SMYD3: variants seen among roughly 807,000 people sequenced by gnomAD.
SMYD3 encodes the protein histone-lysine N-methyltransferase SMYD3.
Under a neutral mutation model 57.7 loss-of-function variants are expected in SMYD3, and 36 were observed. The observed-to-expected ratio is 0.62, with a 90% confidence interval of 0.48 to 0.82. The LOEUF is 0.82. Ranked by LOEUF, SMYD3 falls within the 40% of genes least tolerant of loss-of-function variation. The pLI is 0.00. For missense variants in SMYD3, 515 were observed against 538.8 expected (o/e 0.96, Z 0.44); for synonymous variants, 211 against 195.0 (o/e 1.08, Z -0.68).
At chr1:245,875,237 A>T (rs1165266972) in intron 8 of SMYD3, among the ~76,000 whole-genome samples, 1 of 152,170 alleles carries the variant, frequency 6.6e-6, no homozygotes, top group Non-Finnish European at 1.5e-5. Flanking sequence ...TCATAAACCA[A>T]GCATGCATTA....
intron 5 of SMYD3, among the ~76,000 whole-genome samples, chr1:246,189,386 G>T (rs1008154740): frequency 5.3e-5 from 8 of 152,212 alleles, no homozygotes; most frequent in Admixed American, 3.3e-4. Flanking sequence ...GCAAGTGTCG[G>T]TAACAGTTAT....
intron 1 of SMYD3, among the ~76,000 whole-genome samples, chr1:246,363,145 G>T (rs1348947764): frequency 1.3e-5 from 2 of 148,926 alleles, no homozygotes; most frequent in African/African-American, 5.0e-5. Context: ...CCTCCGCCCG[G>T]CAGCCGCCCC....
intron 5 of SMYD3, among the ~76,000 whole-genome samples, chr1:246,164,587 A>G (rs1038358975): frequency 7.2e-5 from 11 of 152,196 alleles, no homozygotes; most frequent in African/African-American, 2.7e-4. Flanking sequence ...GGACGGGGGC[A>G]TGTGAGTAAC....
In SMYD3 at chr1:246,466,322, A is replaced by G. The variant is rs146017408; in HGVS notation, c.164+40732T>C. On this transcript the variant is annotated intron_variant, in intron 1 of 11. Transcript: ENST00000490107. The stretch of plus-strand genomic sequence containing the variant: ...ATGCATAAAGAAAATGTACCTATAC[A>G]CCATGGAATACTATGCATGCGGCCA... Among the ~76,000 whole-genome samples, 57 of 152,378 alleles carry G rather than the reference A, an allele frequency of 3.7e-4. No individual in the cohort carries two copies. In the East Asian group the frequency reaches 8.3e-3, roughly 22 times the overall value.
At chr1:246,273,168 G>C (rs1371692871) in intron 5 of SMYD3, among the ~76,000 whole-genome samples, 44 of 85,168 alleles carry the variant, frequency 5.2e-4, no homozygotes, top group Non-Finnish European at 7.3e-4. Context: ...TTTTGGGGGG[G>C]GGACAGAGTC....
chr1:245,770,033 G>A (rs1321342339), intron 10 of SMYD3, among the ~76,000 whole-genome samples: 2 of 152,206 alleles, frequency 1.3e-5, no homozygotes, highest in Non-Finnish European at 2.9e-5. Flanking sequence ...TGTATCTTCA[G>A]CAGATTTTCA....
At chr1:246,430,631 G>A (rs1003362241) in intron 1 of SMYD3, among the ~76,000 whole-genome samples, 1 of 152,170 alleles carries the variant, frequency 6.6e-6, no homozygotes, top group African/African-American at 2.4e-5. Context: ...GACATCTAGG[G>A]AGTTTTCACT....
At chr1:246,263,051 A>G (rs2064039371) in intron 5 of SMYD3, among the ~76,000 whole-genome samples, 1 of 152,188 alleles carries the variant, frequency 6.6e-6, no homozygotes, top group African/African-American at 2.4e-5. Context: ...ATTCTATTAC[A>G]AATATCACAT....
chr1:245,904,638 C>T lies in SMYD3; in HGVS notation c.813+10892G>A, dbSNP rs77975781. The stretch of plus-strand genomic sequence containing the variant: ...CTGAGGGCCAAAGTACTGTTGGCCT[C>T]TAAGTAAACCTGAAAGGCAGTCTAG... On this transcript the variant is annotated intron_variant, in intron 8 of 11. Coordinates refer to ENST00000490107, the MANE Select transcript of SMYD3 (RefSeq NM_001167740.2). 1.0e-3 allele frequency among the ~76,000 whole-genome samples: 156 copies of T among 152,184 alleles called. 1 individual carries two copies. Among genetic ancestry groups the T allele is most frequent in the African/African-American group, 3.6e-3 (150 of 41,522 alleles).
intron 1 of SMYD3, among the ~76,000 whole-genome samples, chr1:246,447,970 C>G (rs115757834): frequency 3.9e-5 from 6 of 152,208 alleles, no homozygotes; most frequent in African/African-American, 1.4e-4. Flanking sequence ...TGTATCTGTA[C>G]GTTCTTTTGC....
At chr1:246,243,042 A>T (rs535749508) in intron 5 of SMYD3, among the ~76,000 whole-genome samples, 32 of 152,292 alleles carry the variant, frequency 2.1e-4, no homozygotes, top group Middle Eastern at 3.4e-3. Flanking sequence ...TAGACAGATC[A>T]ATGAGACAGA....
intron 1 of SMYD3, among the ~76,000 whole-genome samples, chr1:246,391,320 C>T (rs376529946): frequency 6.6e-5 from 10 of 150,626 alleles, no homozygotes; most frequent in East Asian, 2.0e-4. Context: ...ATAAAGGCTA[C>T]GGTGAGCTTT....
chr1:246,383,735 G>A, intron 1 of SMYD3, among the ~76,000 whole-genome samples: 1 of 152,184 alleles, frequency 6.6e-6, no homozygotes, highest in East Asian at 1.9e-4. Context: ...GCCGAGGTGG[G>A]TTGATCACTT....
intron 5 of SMYD3, among the ~76,000 whole-genome samples, chr1:246,315,831 A>G (rs370676338): frequency 2.6e-5 from 4 of 152,234 alleles, no homozygotes; most frequent in African/African-American, 9.6e-5. Context: ...CTTTAAAAGA[A>G]TCTGGTTTGG....
intron 5 of SMYD3, among the ~76,000 whole-genome samples, chr1:246,242,808 C>T (rs1489433219): frequency 2.0e-5 from 3 of 151,934 alleles, no homozygotes; most frequent in African/African-American, 7.3e-5. Flanking sequence ...ATCCTAGTCT[C>T]TGATAAAACA....
At chr1:246,248,963 G>A (rs1260606854) in intron 5 of SMYD3, among the ~76,000 whole-genome samples, 4 of 148,100 alleles carry the variant, frequency 2.7e-5, no homozygotes, top group Admixed American at 6.7e-5. Flanking sequence ...GCCGCTCTCT[G>A]ACTTCTTTTA....
rs115594860 is a variant in SMYD3, at chr1:246,430,910, A to T, written c.165-75816T>A. On this transcript the variant is annotated intron_variant, in intron 1 of 11. Transcript: ENST00000490107. ...CACAACAAGAGGAAGGAAAACCAGG[A>T]ACGTGGGAAAAGAGTATGTAAGAAA... is the stretch of plus-strand genomic sequence containing the variant. 2.6e-3 allele frequency among the ~76,000 whole-genome samples: 392 copies of T among 152,334 alleles called. 1 individual carries two copies. Among genetic ancestry groups the T allele is most frequent in the Non-Finnish European group, 4.4e-3 (299 of 68,032 alleles).
chr1:245,894,724 T>G (rs1327765914), intron 8 of SMYD3, among the ~76,000 whole-genome samples: 1 of 152,234 alleles, frequency 6.6e-6, no homozygotes, highest in African/African-American at 2.4e-5. Flanking sequence ...GACCATGTGT[T>G]GGGCTGGGGA....
chr1:245,865,134 T>C (rs1162430190), intron 8 of SMYD3, among the ~76,000 whole-genome samples: 1 of 152,220 alleles, frequency 6.6e-6, no homozygotes, highest in African/African-American at 2.4e-5. Context: ...GCTTTACTGA[T>C]ATTTACTGAT....
Sources: allele counts gnomAD v4.1 joint callset (sites outside exome capture counted in the v4.1 genomes callset), GRCh38; gene constraint gnomAD v4.1.1; transcripts MANE v1.5; gene names NCBI Gene and HGNC (gene_info 2026-07-23, HGNC 2026-07-21).